The following CNTRL variants were observed in gnomAD, a reference collection of about 807,000 sequenced individuals.
CNTRL encodes the protein 110 kDa centrosomal protein.
In CNTRL, 233 loss-of-function variants were observed where a neutral mutation model predicts 303.7. The observed-to-expected ratio is 0.77, with a 90% CI of 0.69 to 0.86. CNTRL has a LOEUF of 0.86. Among genes scored for constraint, CNTRL ranks in the 40% least tolerant of loss-of-function variants. The pLI, the probability that CNTRL is intolerant of heterozygous loss-of-function variation, is 0.00. For synonymous variants in CNTRL, 900 were observed against 922.2 expected, an observed-to-expected ratio of 0.98 and a Z score of 0.44; for missense variants, 2,524 against 2,650.6, an observed-to-expected ratio of 0.95 and a Z score of 1.05.
intron 3 of CNTRL, 133 bp downstream of exon 3, chr9:121,088,676 T>G (rs1468468026): frequency 1.6e-6 from 1 of 609,038 alleles, no homozygotes; most frequent in East Asian, 2.8e-5. Context: ...TAACAGAAAT[T>G]AAGGACTGTA....
rs189681092 is a variant in CNTRL at position 121,098,235 on chromosome 9, T to C, written c.622-151T>C. 488 of 610,222 alleles carry C rather than the reference T, an allele frequency of 8.0e-4. 4 individuals carry two copies. The Admixed American group carries it at 0.013, about 17-fold the overall frequency. The allele number at this position is 610,222 out of a possible 1,614,324, so 37.8% of individuals were successfully genotyped here. On this transcript the variant is annotated intron_variant, in intron 6 of 43. Transcript: ENST00000373855. ...TGCCCAAATACACTATAAATACTCA[T>C]ATACTCCCTTTCCTGACACCACTAC...
intron 7 of CNTRL, among the ~76,000 whole-genome samples, chr9:121,100,447 CA>C (rs2049101442): frequency 6.6e-6 from 1 of 152,158 alleles, no homozygotes. Context: ...CCAGCCACTG[CA>C]AAAACATGCC....
At chr9:121,161,081 A>G (rs1398940728) in intron 32 of CNTRL, among the ~76,000 whole-genome samples, 2 of 152,240 alleles carry the variant, frequency 1.3e-5, no homozygotes, top group Non-Finnish European at 2.9e-5. Flanking sequence ...GAAAAAAAGT[A>G]GGTAAAAAAT....
At chr9:121,162,523 T>G (rs1190118510) in intron 34 of CNTRL, among the ~76,000 whole-genome samples, 1 of 151,948 alleles carries the variant, frequency 6.6e-6, no homozygotes, top group Non-Finnish European at 1.5e-5. Context: ...TAAATGGAGA[T>G]ATATATCTTG....
chr9:121,124,951 A>C (rs2050428798), intron 13 of CNTRL, among the ~76,000 whole-genome samples: 1 of 151,472 alleles, frequency 6.6e-6, no homozygotes, highest in South Asian at 2.1e-4. Flanking sequence ...TCTGAAAAAA[A>C]AAAAAAAAGA....
At chr9:121,145,668 G>C (rs999882126) in intron 22 of CNTRL, among the ~76,000 whole-genome samples, 1 of 152,206 alleles carries the variant, frequency 6.6e-6, no homozygotes, top group African/African-American at 2.4e-5. Context: ...GCTGAGGTGG[G>C]TGGATCGCTT....
intron 23 of CNTRL, among the ~76,000 whole-genome samples, chr9:121,148,365 T>G (rs1299019318): frequency 1.3e-5 from 2 of 152,178 alleles, no homozygotes; most frequent in East Asian, 3.8e-4. Flanking sequence ...CTTTGAGCCC[T>G]TCACTTTCAC....
intron 13 of CNTRL, 109 bp from the exon 14 acceptor site, chr9:121,125,607 G>A (rs754629205): frequency 6.3e-6 from 6 of 947,574 alleles, no homozygotes; most frequent in Admixed American, 4.6e-5. Flanking sequence ...AAAAATGATA[G>A]GAAAGAATTG....
intron 16 of CNTRL, 69 bp downstream of exon 16, chr9:121,138,748 G>C: frequency 2.0e-6 from 3 of 1,531,946 alleles, no homozygotes; most frequent in Non-Finnish European, 2.7e-6. Context: ...CTTTAGTCAG[G>C]CACTTAGCAA....
intron 43 of CNTRL, among the ~76,000 whole-genome samples, chr9:121,176,791 T>G (rs996127548): frequency 6.6e-6 from 1 of 152,194 alleles, no homozygotes; most frequent in Non-Finnish European, 1.5e-5. Flanking sequence ...ATTTCCCTTT[T>G]TTTCTGGTAA....
At chr9:121,171,610 G>T (rs1287219715) in intron 40 of CNTRL, 62 bp downstream of exon 40, 5 of 1,534,168 alleles carry the variant, frequency 3.3e-6, no homozygotes, top group Middle Eastern at 2.1e-4. Flanking sequence ...GGCTCAGGCA[G>T]ATTGTATTGT....
intron 2 of CNTRL, among the ~76,000 whole-genome samples, chr9:121,087,269 A>G (rs1303240191): frequency 6.6e-6 from 1 of 152,186 alleles, no homozygotes; most frequent in Non-Finnish European, 1.5e-5. Context: ...TGGAAGACGA[A>G]AAGGAGAGTG....
chr9:121,149,048 C>G (rs1432577531), intron 24 of CNTRL, among the ~76,000 whole-genome samples, 187 bp downstream of exon 24: 6 of 152,186 alleles, frequency 3.9e-5, no homozygotes, highest in African/African-American at 1.4e-4. Flanking sequence ...CTTCCTCCTT[C>G]CCTTCCCATG....
chr9:121,175,321 C>T (rs2053477586), intron 43 of CNTRL, 97 bp downstream of exon 43: 1 of 1,070,736 alleles, frequency 9.3e-7, no homozygotes, highest in Non-Finnish European at 1.4e-6. Flanking sequence ...GGCTGGAGTG[C>T]ATTGGTACCA....
chr9:121,168,160 C>T lies in CNTRL; in HGVS notation c.5909C>T (p.Thr1970Ile). ...AGCAAATTAGAAACCAGTAAAGTGA[C>T]ACTGAAGGAGCAACAGCACCAGCTG... Reference protein sequence around the residue: ...EESKLETSKVTLKEQQHQLEK... With the variant: ...EESKLETSKVILKEQQHQLEK... Residue 1970 changes from threonine (T) to isoleucine (I), a missense_variant, in exon 38 of 44, where the codon ACA becomes ATA. Coordinates refer to ENST00000373855, the MANE Select transcript of CNTRL (RefSeq NM_007018.6). 1 of 1,614,090 alleles carries T rather than the reference C, an allele frequency of 6.2e-7. No homozygotes were observed. The highest frequency in any genetic ancestry group is 8.5e-7 in the Non-Finnish European group (1 of 1,180,036).
At chr9:121,171,290 A>G (rs751690813) in intron 39 of CNTRL, 118 bp from the exon 40 acceptor site, 4 of 1,053,654 alleles carry the variant, frequency 3.8e-6, no homozygotes, top group Non-Finnish European at 5.8e-6. Context: ...CCCATTTGAC[A>G]GCTAGAGAAG....
chr9:121,082,046 T>C (rs1333577038), intron 2 of CNTRL, among the ~76,000 whole-genome samples: 2 of 152,228 alleles, frequency 1.3e-5, no homozygotes. Context: ...AGCTATGTGA[T>C]AGGAAACAGG....
intron 1 of CNTRL, among the ~76,000 whole-genome samples, chr9:121,079,538 T>C (rs2048058082): frequency 6.6e-6 from 1 of 152,182 alleles, no homozygotes; most frequent in Non-Finnish European, 1.5e-5. Context: ...TGATTATCTC[T>C]TGTCCAAAAT....
rs1554763165 is a variant in CNTRL at position 121,157,808 on chromosome 9, T to G, written c.4565T>G (p.Ile1522Arg). The change falls in exon 29 of 44, where the codon ATA becomes AGA. Residue 1522 changes from isoleucine (I) to arginine (R), a missense_variant. Ile to Arg is a moderately conservative substitution (Grantham distance 97). Coordinates refer to ENST00000373855, the MANE Select transcript of CNTRL (RefSeq NM_007018.6). ...KIKQEEILKE[I>R]NKIVAAKDSD... is the part of the protein sequence containing the mutation. ...AAGCAAGAAGAAATCTTGAAAGAAA[T>G]AAACAAAATTGTAGCAGCAAAAGAC... The G allele has an allele frequency of 6.2e-7, 1 of 1,614,022 alleles. No individual in the cohort carries two copies.
Sources: allele counts gnomAD v4.1 joint callset (sites outside exome capture counted in the v4.1 genomes callset), GRCh38; gene constraint gnomAD v4.1.1; transcripts MANE v1.5; gene names NCBI Gene and HGNC (gene_info 2026-07-23, HGNC 2026-07-21).